CDYL2: variants seen among roughly 807,000 people sequenced by gnomAD.
CDYL2 encodes chromodomain Y like 2.
A neutral mutation model predicts 49.4 loss-of-function variants in CDYL2; 23 were observed. The ratio of observed to expected loss-of-function variants is 0.47; its 90% CI spans 0.34 to 0.66. The LOEUF (loss-of-function observed/expected upper bound fraction) is 0.66, where lower values mean the gene tolerates loss of function less well. Ranked by LOEUF, CDYL2 falls within the 30% of genes least tolerant of loss-of-function variation. CDYL2 has a pLI of 0.01. For synonymous variants in CDYL2, 360 were observed against 268.8 expected (o/e 1.34, Z -3.32); for missense variants, 678 against 656.4 (o/e 1.03, Z -0.36).
At chr16:80,682,277 G>A (rs1471759267) in intron 2 of CDYL2, among the ~76,000 whole-genome samples, 3 of 152,156 alleles carry the variant, frequency 2.0e-5, no homozygotes, top group Admixed American at 1.3e-4. Context: ...AACACACAAC[G>A]TCAGGCAAAT....
rs569961400 is a variant in CDYL2 at position 80,657,068 on chromosome 16, C to T, written c.617-23832G>A. Among the ~76,000 whole-genome samples, 4 of 152,310 alleles carry T rather than the reference C, an allele frequency of 2.6e-5. No homozygotes were observed. In the South Asian group the frequency reaches 8.3e-4, roughly 32 times the overall value. On this transcript the variant is annotated intron_variant, in intron 2 of 6. Coordinates refer to ENST00000570137, the MANE Select transcript of CDYL2 (RefSeq NM_152342.4). ...ACGAGAAACGAAAACAAAACAGAAA[C>T]TTTGCTCTTGAAATGAGCCTGCACA...
intron 1 of CDYL2, among the ~76,000 whole-genome samples, chr16:80,778,725 A>C (rs1445178164): frequency 6.6e-6 from 1 of 152,086 alleles, no homozygotes; most frequent in East Asian, 1.9e-4. Flanking sequence ...TAAACAAAAA[A>C]TTTTGGAAAG....
chr16:80,786,383 T>A (rs1285510685), intron 1 of CDYL2, among the ~76,000 whole-genome samples: 1 of 152,176 alleles, frequency 6.6e-6, no homozygotes, highest in Non-Finnish European at 1.5e-5. Context: ...TCACTGGTCA[T>A]TAGAGAAATG....
At chr16:80,643,906 T>A (rs1337479489) in intron 2 of CDYL2, among the ~76,000 whole-genome samples, 2 of 152,244 alleles carry the variant, frequency 1.3e-5, no homozygotes, top group African/African-American at 4.8e-5. Context: ...CCCACTGTCT[T>A]GGGGATTAAC....
chr16:80,785,450 C>T (rs1319030687), intron 1 of CDYL2, among the ~76,000 whole-genome samples: 2 of 151,976 alleles, frequency 1.3e-5, no homozygotes, highest in Admixed American at 6.6e-5. Flanking sequence ...GACCACTGCT[C>T]GAGGAAATGA....
chr16:80,737,384 T>C (rs574229295), intron 1 of CDYL2, among the ~76,000 whole-genome samples: 1 of 152,162 alleles, frequency 6.6e-6, no homozygotes, highest in Non-Finnish European at 1.5e-5. Context: ...GGAATCATTA[T>C]CCCTATTTTG....
Position 80,621,881 on chromosome 16 carries a change from C to T in CDYL2, c.835-946G>A, listed in dbSNP as rs140745842. Reference sequence around the variant, plus strand: ...AATTTGGGAGATAGACACAGGTGCCCTCGGTAAGTGGTAAGACCAACAAGT... The same window carrying T: ...AATTTGGGAGATAGACACAGGTGCCTTCGGTAAGTGGTAAGACCAACAAGT... On this transcript the variant is annotated intron_variant, in intron 3 of 6. Coordinates refer to ENST00000570137, the MANE Select transcript of CDYL2 (RefSeq NM_152342.4). Among the ~76,000 whole-genome samples the T allele has an allele frequency of 5.1e-3, 771 of 152,248 alleles. 3 individuals are homozygous for T. Among genetic ancestry groups the T allele is most frequent in the African/African-American group, 0.017 (723 of 41,542 alleles).
intron 3 of CDYL2, among the ~76,000 whole-genome samples, chr16:80,622,424 C>T (rs1907122876): frequency 6.6e-6 from 1 of 152,054 alleles, no homozygotes. Context: ...TTCTCCCTTG[C>T]CCAGCACCCC....
intron 2 of CDYL2, among the ~76,000 whole-genome samples, chr16:80,646,160 T>C (rs903220661): frequency 1.4e-4 from 21 of 151,502 alleles, no homozygotes; most frequent in Non-Finnish European, 2.4e-4. Flanking sequence ...AACAAAAAAA[T>C]TATCTTCCAC....
At chr16:80,712,630 G>A (rs921335792) in intron 1 of CDYL2, among the ~76,000 whole-genome samples, 7 of 152,064 alleles carry the variant, frequency 4.6e-5, no homozygotes, top group Admixed American at 2.0e-4. Flanking sequence ...AGGTCTCTGC[G>A]AGGTGCTTGG....
rs767241907 is a variant in CDYL2, at chr16:80,612,736, T to C, written c.1108A>G (p.Ile370Val). Residue 370 changes from isoleucine to valine, a missense_variant, in exon 5 of 7, where the codon ATC (isoleucine) becomes GTC (valine). By Grantham distance (29) the Ile-to-Val change is conservative. Transcript: ENST00000570137. The surrounding 1 kb of genome is among the most constrained non-coding windows in gnomAD (Gnocchi z 5.0). ...CAGGCCTTCTCACTGGCCCACACGATGTCACAGAGGGGCAGGATGGAGGCA... is the reference window on the plus strand; with the variant it reads ...CAGGCCTTCTCACTGGCCCACACGACGTCACAGAGGGGCAGGATGGAGGCA... ...LGASILPLCD[I>V]VWASEKAWFQ... 2.9e-5 allele frequency: 47 copies of C among 1,613,494 alleles called. No homozygotes were observed. The highest frequency in any genetic ancestry group is 1.8e-4 in the East Asian group (8 of 44,872).
At chr16:80,622,075 G>A (rs779371119) in intron 3 of CDYL2, among the ~76,000 whole-genome samples, 1 of 152,186 alleles carries the variant, frequency 6.6e-6, no homozygotes. Flanking sequence ...TGTTAGAGGT[G>A]GATTTGAGCC....
At chr16:80,683,088 C>T (rs979141674) in intron 2 of CDYL2, among the ~76,000 whole-genome samples, 1 of 152,306 alleles carries the variant, frequency 6.6e-6, no homozygotes, top group East Asian at 1.9e-4. Context: ...AATCTACCAT[C>T]GTCACACTGA....
intron 2 of CDYL2, among the ~76,000 whole-genome samples, chr16:80,637,995 G>C (rs938447516): frequency 6.6e-6 from 1 of 152,200 alleles, no homozygotes; most frequent in Non-Finnish European, 1.5e-5. Context: ...AGAGCCATAT[G>C]TGAAAAATTG....
rs150863126 is a variant in CDYL2 at position 80,633,275 on chromosome 16, G to A, written c.617-39C>T. On this transcript the variant is annotated intron_variant, in intron 2 of 6. Coordinates refer to ENST00000570137, the MANE Select transcript of CDYL2 (RefSeq NM_152342.4). Reference sequence around the variant, plus strand: ...ATAAACAATGTAAGAAACTGAAATGGACCACGATCCTAGAAGGATGTGATC... The same window carrying A: ...ATAAACAATGTAAGAAACTGAAATGAACCACGATCCTAGAAGGATGTGATC... 345 of 1,585,452 alleles carry A rather than the reference G, an allele frequency of 2.2e-4. 3 individuals are homozygous for A. In the East Asian group the frequency reaches 6.4e-3, roughly 29 times the overall value.
chr16:80,604,557 A>G lies in CDYL2; in HGVS notation c.1363-11T>C, dbSNP rs201674067. ...GGACTCCTCTAACACCTAGAGGGAA[A>G]TAGACAGGCCTGATTAGCCGGGCAC... On this transcript the variant is annotated splice_polypyrimidine_tract_variant and intron_variant, in intron 6 of 6. Coordinates refer to ENST00000570137, the MANE Select transcript of CDYL2 (RefSeq NM_152342.4). 8.1e-6 allele frequency: 13 copies of G among 1,614,136 alleles called. No individual in the cohort carries two copies. The highest frequency in any genetic ancestry group is 1.7e-4 in the Middle Eastern group (1 of 6,060).
intron 1 of CDYL2, among the ~76,000 whole-genome samples, chr16:80,800,639 G>A (rs1907897145): frequency 6.6e-6 from 1 of 151,928 alleles, no homozygotes; most frequent in African/African-American, 2.4e-5. Context: ...CCTACACACG[G>A]TTTTACCACC....
At position 80,612,524 on chromosome 16, in the gene CDYL2, C is replaced by G; in HGVS notation, c.1218+102G>C. The G allele has an allele frequency of 1.7e-6, 2 of 1,210,996 alleles. No homozygotes were observed. Among genetic ancestry groups the G allele is most frequent in the African/African-American group, 1.5e-5 (1 of 65,718 alleles). The allele number at this position is 1,210,996 out of a possible 1,614,324, so 75.0% of individuals were successfully genotyped here. A position where few individuals can be genotyped will look rare whatever the true frequency, so the allele number is the denominator to read the frequency against. ...TGAGGCAGCCAAGCCAATCTGCAGG[C>G]TGACAACACCCTCAGGTTTCTAGCC... On this transcript the variant is annotated intron_variant, in intron 5 of 6. Transcript: ENST00000570137. This position sits in a 1 kb window ranked among gnomAD's most constrained non-coding sequence, Gnocchi z 5.0.
intron 1 of CDYL2, among the ~76,000 whole-genome samples, chr16:80,783,709 T>C (rs1907344609): frequency 1.3e-5 from 2 of 152,220 alleles, no homozygotes; most frequent in Admixed American, 6.5e-5. Context: ...ACATGCTACA[T>C]ATATGTAATG....
Sources: allele counts gnomAD v4.1 joint callset (sites outside exome capture counted in the v4.1 genomes callset), GRCh38; gene constraint gnomAD v4.1.1; non-coding constraint Gnocchi (gnomAD v3.1); transcripts MANE v1.5; gene names NCBI Gene and HGNC (gene_info 2026-07-23, HGNC 2026-07-21).